The following ZNF615 variants were observed in gnomAD, a reference collection of about 807,000 sequenced individuals.
The protein encoded by ZNF615 is zinc finger protein 615.
A neutral mutation model predicts 15.3 loss-of-function variants in ZNF615; 15 were observed. The ratio of observed to expected loss-of-function variants is 0.98; its 90% confidence interval spans 0.66 to 1.51. The LOEUF is 1.51. Ranked by LOEUF, ZNF615 falls within the 40% of genes most tolerant of loss-of-function variation. The probability of loss-of-function intolerance (pLI) is 0.00; values close to 1 mark genes in which losing one functional copy is unlikely to be tolerated. For synonymous variants in ZNF615, 268 were observed against 294.6 expected (o/e 0.91, Z 0.92); for missense variants, 848 against 895.9 (o/e 0.95, Z 0.68).
intron 6 of ZNF615, among the ~76,000 whole-genome samples, chr19:51,996,391 A>AAAAAAAAAAAAAAAAAAAAC (rs1360447239): frequency 6.8e-6 from 1 of 147,042 alleles, no homozygotes; most frequent in Non-Finnish European, 1.5e-5. Flanking sequence ...GTCTCAAAAA[A>AAAAAAAAAAAAAAAAAAAAC]AAAAAAAAAA....
chr19:51,995,016 C>G (rs775988080), intron 6 of ZNF615, among the ~76,000 whole-genome samples, 179 bp from the exon 7 acceptor site: 18 of 151,806 alleles, frequency 1.2e-4, no homozygotes, highest in African/African-American at 4.1e-4. Context: ...GGACTGAGTC[C>G]GAAAAAGGAG....
rs758869123 is a variant in ZNF615 at position 51,993,913 on chromosome 19, A to G, written c.1196T>C (p.Ile399Thr). The change falls in exon 7 of 7, where the codon ATC becomes ACC. Residue 399 changes from isoleucine to threonine, a missense_variant. Ile to Thr is a moderately conservative substitution (Grantham distance 89). Coordinates refer to ENST00000598071, the MANE Select transcript of ZNF615 (RefSeq NM_001199324.2). ...TCCTGTATGAGTTTGCTGATGTGTG[A>G]TAAGACTGTTCTTCAAGGTGAAGCC... The part of the protein sequence containing the change: ...GKGFTLKNSL[I>T]THQQTHTGEK... 8 of 1,614,110 alleles carry G rather than the reference A, an allele frequency of 5.0e-6. No individual in the cohort carries two copies. Among genetic ancestry groups the G allele is most frequent in the South Asian group, 1.1e-5 (1 of 91,082 alleles).
chr19:51,996,109 G>T (rs2086417335), intron 6 of ZNF615, among the ~76,000 whole-genome samples: 1 of 152,062 alleles, frequency 6.6e-6, no homozygotes, highest in South Asian at 2.1e-4. Flanking sequence ...ATGGTTTCAG[G>T]CTGGATACAG....
At chr19:51,997,668 GC>G (rs1220691719) in intron 6 of ZNF615, among the ~76,000 whole-genome samples, 1 of 152,188 alleles carries the variant, frequency 6.6e-6, no homozygotes, top group Non-Finnish European at 1.5e-5. Context: ...GGAATATTCT[GC>G]CTGCTAAGGG....
chr19:52,003,747 A>G lies in ZNF615; in HGVS notation c.-36T>C. 1 of 1,611,466 alleles carries G rather than the reference A, an allele frequency of 6.2e-7. No individual in the cohort carries two copies. The highest frequency in any genetic ancestry group is 8.5e-7 in the Non-Finnish European group (1 of 1,178,866). ...ATTTGGGAAATGACTGCTAACTTGGACGTTCTGTATTTGTCTCTTCTGAAT... is the reference window on the plus strand; with the variant it reads ...ATTTGGGAAATGACTGCTAACTTGGGCGTTCTGTATTTGTCTCTTCTGAAT... On this transcript the variant is annotated 5_prime_UTR_variant, in exon 3 of 7. Transcript: ENST00000598071.
At chr19:52,002,092 C>G in intron 4 of ZNF615, 63 bp downstream of exon 4, 2 of 1,614,124 alleles carry the variant, frequency 1.2e-6, no homozygotes, top group East Asian at 4.5e-5. Context: ...TGCAGGTAAG[C>G]AGCTGAGAAA....
In ZNF615 at chr19:51,994,091, A is replaced by C. The variant is rs2123010023; in HGVS notation, c.1018T>G (p.Phe340Val). 6.2e-7 allele frequency: 1 copy of C among 1,613,716 alleles called. No individual in the cohort carries two copies. Among genetic ancestry groups the C allele is most frequent in the African/African-American group, 1.3e-5 (1 of 74,890 alleles). Residue 340 changes from phenylalanine (F) to valine (V), a missense_variant, in exon 7 of 7, where the codon TTC (phenylalanine) becomes GTC (valine). Transcript: ENST00000598071. ...GTTTTCTGATGTGTAGTGAGACTGA[A>C]CTTTGTAGAGAAGGCCTTCCCACAT... ...SVCGKAFSTK[F>V]SLTTHQKTHT...
chr19:52,001,583 T>A (rs1442345715), intron 5 of ZNF615, among the ~76,000 whole-genome samples: 9 of 141,668 alleles, frequency 6.4e-5, no homozygotes, highest in South Asian at 2.2e-4. Flanking sequence ...GCGCTACTGC[T>A]CTCCAGCCTG....
At chr19:52,002,357 G>A (rs1174472546) in intron 3 of ZNF615, 76 bp from the exon 4 acceptor site, 34 of 1,603,648 alleles carry the variant, frequency 2.1e-5, no homozygotes, top group Middle Eastern at 1.7e-4. Context: ...AAGTCATTCC[G>A]CTCATTTTCA....
Position 51,993,174 on chromosome 19 carries a change from C to T in ZNF615, c.1935G>A (p.Arg645=). The change falls in exon 7 of 7, where the codon AGG becomes AGA. Residue 645 remains arginine (R), a synonymous_variant. Transcript: ENST00000598071. ...YKCNECDKTF[R]KKTCLIQHQR... ...GATGTTGTATGAGGCATGTCTTCTT[C>T]CTGAAGGTTTTATCACATTCATTGC... is the stretch of plus-strand genomic sequence containing the variant. 2 of 1,614,196 alleles carry T rather than the reference C, an allele frequency of 1.2e-6. No homozygotes were observed. The highest frequency in any genetic ancestry group is 1.3e-5 in the African/African-American group (1 of 75,052).
At chr19:52,004,635 C>G (rs2086697268) in intron 2 of ZNF615, 1 of 152,048 alleles carries the variant, frequency 6.6e-6, no homozygotes, top group Non-Finnish European at 1.5e-5. Flanking sequence ...TCAACTGATC[C>G]ACCCATCTCA....
Position 51,994,657 on chromosome 19 carries a change from T to C in ZNF615, c.452A>G (p.Asn151Ser). ...CCTTTTCTGGTTTTCAAAACTTAAA[T>C]TTGATTTTAAAGGTTTTTCATGTAA... ...FDLHEKPLKSNLSFENQKRSS... is the reference protein window; with the variant it reads ...FDLHEKPLKSSLSFENQKRSS... The change falls in exon 7 of 7, where the codon AAT (asparagine) becomes AGT (serine). Residue 151 changes from asparagine to serine, a missense_variant. By Grantham distance (46) the Asn-to-Ser change is conservative. Transcript: ENST00000598071. The C allele has an allele frequency of 6.2e-7, 1 of 1,613,148 alleles. No homozygotes were observed. The highest frequency in any genetic ancestry group is 8.5e-7 in the Non-Finnish European group (1 of 1,179,948).
At position 52,003,886 on chromosome 19, in the gene ZNF615, C is replaced by G. The variant is rs1465424064; in HGVS notation, c.-175G>C. On this transcript the variant is annotated 5_prime_UTR_variant, in exon 3 of 7. Coordinates refer to ENST00000598071, the MANE Select transcript of ZNF615 (RefSeq NM_001199324.2). ...CTTCCTTCACTTGATTTCTCTTGTT[C>G]TCAGCACCTGTGGGCTGAAGAGCAA... 2 of 1,426,240 alleles carry G rather than the reference C, an allele frequency of 1.4e-6. No homozygotes were observed. The highest frequency in any genetic ancestry group is 2.9e-5 in the African/African-American group (2 of 69,884). The allele number at this position is 1,426,240 out of a possible 1,614,324, so 88.3% of individuals were successfully genotyped here.
chr19:52,005,882 G>A lies in ZNF615; in HGVS notation c.-190+1411C>T, dbSNP rs2086739256. On this transcript the variant is annotated intron_variant, in intron 2 of 6. Transcript: ENST00000598071. Reference sequence around the variant, plus strand: ...CAAATTATCAGTATTTGCCTAATACGTCTGTATTCCTTTAGTCAGGTGGCT... The same window carrying A: ...CAAATTATCAGTATTTGCCTAATACATCTGTATTCCTTTAGTCAGGTGGCT... Among the ~76,000 whole-genome samples, 4 of 152,232 alleles carry A rather than the reference G, an allele frequency of 2.6e-5. No individual in the cohort carries two copies. In the South Asian group the frequency reaches 8.3e-4, roughly 32 times the overall value.
chr19:52,003,836 A>G lies in ZNF615; in HGVS notation c.-125T>C. Reference sequence around the variant, plus strand: ...CAAGGATGTCCCCAGAAATGATGACACCCAAGTCTTGGAAACTCCGCCTCC... The same window carrying G: ...CAAGGATGTCCCCAGAAATGATGACGCCCAAGTCTTGGAAACTCCGCCTCC... On this transcript the variant is annotated 5_prime_UTR_variant, in exon 3 of 7. Coordinates refer to ENST00000598071, the MANE Select transcript of ZNF615 (RefSeq NM_001199324.2). 11 of 1,526,950 alleles carry G rather than the reference A, an allele frequency of 7.2e-6. No individual in the cohort carries two copies. Among genetic ancestry groups the G allele is most frequent in the Non-Finnish European group, 9.6e-6 (11 of 1,140,814 alleles). The allele number at this position is 1,526,950 out of a possible 1,614,324, so 94.6% of individuals were successfully genotyped here. A position where few individuals can be genotyped will look rare whatever the true frequency, so the allele number is the denominator to read the frequency against.
chr19:52,001,600 G>A (rs2086593246), intron 5 of ZNF615, among the ~76,000 whole-genome samples: 1 of 140,128 alleles, frequency 7.1e-6, no homozygotes, highest in African/African-American at 2.7e-5. Context: ...CCTGGTGACA[G>A]AGCAAGACTC....
At chr19:51,996,435 G>A (rs1177204592) in intron 6 of ZNF615, among the ~76,000 whole-genome samples, 2 of 146,490 alleles carry the variant, frequency 1.4e-5, no homozygotes, top group Non-Finnish European at 3.0e-5. Flanking sequence ...TTCAGCCATT[G>A]GATAGGAAGA....
intron 6 of ZNF615, among the ~76,000 whole-genome samples, chr19:51,996,520 A>C (rs2086446147): frequency 1.3e-5 from 2 of 152,202 alleles, no homozygotes; most frequent in Non-Finnish European, 2.9e-5. Context: ...TGTGAAACAC[A>C]TAAAGTTTAA....
intron 6 of ZNF615, among the ~76,000 whole-genome samples, chr19:51,998,702 T>C (rs1200049335): frequency 6.6e-6 from 1 of 152,152 alleles, no homozygotes; most frequent in Non-Finnish European, 1.5e-5. Context: ...TCATCCAGCC[T>C]GGAGTGCAGT....
Sources: allele counts gnomAD v4.1 joint callset (sites outside exome capture counted in the v4.1 genomes callset), GRCh38; gene constraint gnomAD v4.1.1; transcripts MANE v1.5; gene names NCBI Gene and HGNC (gene_info 2026-07-23, HGNC 2026-07-21).